Variants in LIMS1 observed in about 807,000 individuals in gnomAD.
LIMS1 encodes LIM zinc finger domain containing 1.
Under a neutral mutation model 44.1 loss-of-function variants are expected in LIMS1, and 18 were observed. The observed-to-expected ratio is 0.41, with a 90% CI of 0.28 to 0.61. The LOEUF (loss-of-function observed/expected upper bound fraction) is 0.61, where lower values mean the gene tolerates loss of function less well. Ranked by LOEUF, LIMS1 falls within the 20% of genes least tolerant of loss-of-function variation. The probability of loss-of-function intolerance (pLI) is 0.32; values close to 1 mark genes in which losing one functional copy is unlikely to be tolerated. For missense variants in LIMS1, 201 were observed against 422.0 expected (o/e 0.48, Z 4.59); for synonymous variants, 93 against 149.1 (o/e 0.62, Z 2.74).
exon 10 of LIMS1, chr2:108,684,828 G>A (rs1262875310): frequency 6.6e-6 from 1 of 152,114 alleles, no homozygotes; most frequent in Non-Finnish European, 1.5e-5. Flanking sequence ...TAAATTGTAT[G>A]TAGCTTGGAA....
chr2:108,547,576 C>T (rs1349873073), intron 1 of LIMS1, among the ~76,000 whole-genome samples: 3 of 152,150 alleles, frequency 2.0e-5, no homozygotes, highest in East Asian at 3.8e-4. Flanking sequence ...CTTTGAGTGT[C>T]CTAGAAGCTA....
chr2:108,615,442 C>G (rs999042910), intron 1 of LIMS1, among the ~76,000 whole-genome samples: 1 of 152,024 alleles, frequency 6.6e-6, no homozygotes. Flanking sequence ...GAGGAGGACC[C>G]TCTGTTCTCT....
chr2:108,615,389 A>G (rs1239271314), intron 1 of LIMS1, among the ~76,000 whole-genome samples: 5 of 152,144 alleles, frequency 3.3e-5, no homozygotes, highest in African/African-American at 1.2e-4. Flanking sequence ...TCCTGCTGCA[A>G]GCTTCTGTCT....
At chr2:108,594,844 A>G (rs1055804735) in intron 1 of LIMS1, among the ~76,000 whole-genome samples, 3 of 152,148 alleles carry the variant, frequency 2.0e-5, no homozygotes, top group African/African-American at 4.8e-5. Flanking sequence ...CCACATTTCA[A>G]GTTGCTACAT....
rs1257457753 is a variant in LIMS1 at position 108,570,138 on chromosome 2, T to C, written c.32+35544T>C. Reference sequence around the variant, plus strand: ...ATGGGGAAAGGAAATCAAGACATTATAGTAATACTAGGCCGGGAATGGTGG... The same window carrying C: ...ATGGGGAAAGGAAATCAAGACATTACAGTAATACTAGGCCGGGAATGGTGG... On this transcript the variant is annotated intron_variant, in intron 1 of 9. Coordinates refer to ENST00000544547, the Ensembl canonical transcript of LIMS1. 5.9e-5 allele frequency among the ~76,000 whole-genome samples: 9 copies of C among 151,994 alleles called. No individual in the cohort carries two copies. In the East Asian group the frequency reaches 1.4e-3, roughly 23 times the overall value.
rs922404533 is a variant in LIMS1 at position 108,642,429 on chromosome 2, G to A, written c.33-17176G>A. Among the ~76,000 whole-genome samples the A allele has an allele frequency of 3.3e-4, 43 of 130,234 alleles. No individual in the cohort carries two copies. In the Admixed American group the frequency reaches 3.5e-3, roughly 11 times the overall value. 85.4% of individuals were successfully genotyped at this position (130,234 alleles called of 152,430 possible). A position where few individuals can be genotyped will look rare whatever the true frequency, so the allele number is the denominator to read the frequency against. On this transcript the variant is annotated intron_variant, in intron 1 of 9. Coordinates refer to ENST00000544547, the Ensembl canonical transcript of LIMS1. Reference sequence around the variant, plus strand: ...GGCTGGAGTGCAGTGGCGCGATCTCGGCTCACTGCAAGCTCCGCCTCCCGG... The same window carrying A: ...GGCTGGAGTGCAGTGGCGCGATCTCAGCTCACTGCAAGCTCCGCCTCCCGG...
intron 1 of LIMS1, chr2:108,621,501 T>C (rs1558813671): frequency 2.1e-6 from 3 of 1,415,424 alleles, no homozygotes; most frequent in South Asian, 2.5e-5. Context: ...TCAAGACATC[T>C]AATCTAGTAA....
chr2:108,685,796 C>T (rs1220921498), exon 10 of LIMS1: 1 of 152,152 alleles, frequency 6.6e-6, no homozygotes, highest in East Asian at 1.9e-4. Context: ...AAATATTATG[C>T]TATGAATATA....
At chr2:108,675,894 G>A (rs776581560) in exon 6 of LIMS1, 12 of 1,613,832 alleles carry the variant, frequency 7.4e-6, no homozygotes, top group African/African-American at 1.3e-5. Context: ...GCTGACTGCC[G>A]ATGCACGGGA....
chr2:108,620,858 T>C (rs1025857906), intron 1 of LIMS1, among the ~76,000 whole-genome samples: 1 of 152,206 alleles, frequency 6.6e-6, no homozygotes, highest in East Asian at 1.9e-4. Flanking sequence ...CTCCTCTCCT[T>C]TTTAAGGAAA....
chr2:108,562,788 A>G (rs1685167764), intron 1 of LIMS1, among the ~76,000 whole-genome samples: 1 of 152,270 alleles, frequency 6.6e-6, no homozygotes, highest in Non-Finnish European at 1.5e-5. Flanking sequence ...ACAGATTGTC[A>G]GTGTAGACAA....
At chr2:108,613,894 C>T (rs573582718) in intron 1 of LIMS1, among the ~76,000 whole-genome samples, 8 of 152,140 alleles carry the variant, frequency 5.3e-5, no homozygotes, top group South Asian at 4.2e-4. Flanking sequence ...CTGCTCCCCT[C>T]CCTGCTGTCA....
intron 1 of LIMS1, among the ~76,000 whole-genome samples, chr2:108,658,850 T>A (rs1383948402): frequency 6.6e-6 from 1 of 152,310 alleles, no homozygotes; most frequent in Non-Finnish European, 1.5e-5. Context: ...GTGTAATCTG[T>A]TTTGATTGAC....
At chr2:108,616,784 A>G (rs1229040855) in intron 1 of LIMS1, among the ~76,000 whole-genome samples, 1 of 152,192 alleles carries the variant, frequency 6.6e-6, no homozygotes, top group African/African-American at 2.4e-5. Context: ...GCAGATATAT[A>G]GCCCTGTTCT....
intron 1 of LIMS1, among the ~76,000 whole-genome samples, chr2:108,642,293 T>A (rs1689720640): frequency 6.6e-6 from 1 of 151,724 alleles, no homozygotes; most frequent in South Asian, 2.1e-4. Context: ...TGTACATAAG[T>A]CCATCATTAC....
intron 1 of LIMS1, among the ~76,000 whole-genome samples, chr2:108,571,820 A>G (rs542040973): frequency 2.6e-5 from 4 of 152,282 alleles, no homozygotes; most frequent in Admixed American, 2.6e-4. Context: ...GCTTAATGCT[A>G]TTGAGGAAAA....
chr2:108,613,463 C>G (rs1687767798), intron 1 of LIMS1, among the ~76,000 whole-genome samples: 1 of 152,100 alleles, frequency 6.6e-6, no homozygotes, highest in South Asian at 2.1e-4. Context: ...TGCCTCCCTC[C>G]CTGGCCCTCT....
chr2:108,655,023 C>T (rs1690756055), intron 1 of LIMS1: 2 of 1,611,704 alleles, frequency 1.2e-6, no homozygotes, highest in Non-Finnish European at 8.5e-7. Flanking sequence ...TTTCTCCTGG[C>T]TCTGTGTCCT....
chr2:108,669,684 G>C (rs1375254936), intron 2 of LIMS1, among the ~76,000 whole-genome samples: 1 of 151,006 alleles, frequency 6.6e-6, no homozygotes, highest in Non-Finnish European at 1.5e-5. Context: ...TTTCTCACAA[G>C]TTAGTAATGT....
Sources: allele counts gnomAD v4.1 joint callset (sites outside exome capture counted in the v4.1 genomes callset), GRCh38; gene constraint gnomAD v4.1.1; transcripts MANE v1.5; gene names NCBI Gene and HGNC (gene_info 2026-07-23, HGNC 2026-07-21).